The following EBF1 variants were observed in gnomAD, a reference collection of about 807,000 sequenced individuals.
EBF1 encodes EBF transcription factor 1.
EBF1 carries 10 observed loss-of-function variants against 68.4 expected under a neutral mutation model. That is an observed-to-expected ratio of 0.15 (90% CI 0.09 to 0.25). The LOEUF (loss-of-function observed/expected upper bound fraction) is 0.25, where lower values mean the gene tolerates loss of function less well. Among genes scored for constraint, EBF1 ranks in the 10% least tolerant of loss-of-function variants. EBF1 has a pLI of 1.00. For synonymous variants in EBF1, 298 were observed against 299.8 expected (o/e 0.99, Z 0.06); for missense variants, 509 against 794.4 (o/e 0.64, Z 4.32).
At chr5:158,947,050 G>A (rs2127490054) in intron 6 of EBF1, among the ~76,000 whole-genome samples, 1 of 152,266 alleles carries the variant, frequency 6.6e-6, no homozygotes, top group East Asian at 1.9e-4. Context: ...CCAACCTCAA[G>A]CATCCCAGGT....
At chr5:158,792,484 T>C (rs980212087) in intron 9 of EBF1, among the ~76,000 whole-genome samples, 2 of 151,480 alleles carry the variant, frequency 1.3e-5, no homozygotes, top group Non-Finnish European at 3.0e-5. Flanking sequence ...TGATTTTCTC[T>C]GGCTCTTTAA....
At chr5:158,835,627 G>A (rs899804057) in intron 7 of EBF1, among the ~76,000 whole-genome samples, 3 of 152,052 alleles carry the variant, frequency 2.0e-5, no homozygotes, top group Non-Finnish European at 2.9e-5. Flanking sequence ...CAGATGTTAC[G>A]AGATCTCTTT....
At chr5:158,952,004 T>C (rs1401879957) in intron 6 of EBF1, among the ~76,000 whole-genome samples, 1 of 152,154 alleles carries the variant, frequency 6.6e-6, no homozygotes, top group Non-Finnish European at 1.5e-5. Flanking sequence ...TACCGAGCAC[T>C]CAGGAGTTTT....
chr5:158,716,794 T>C (rs1306891543), intron 11 of EBF1, among the ~76,000 whole-genome samples: 4 of 152,156 alleles, frequency 2.6e-5, no homozygotes, highest in African/African-American at 7.2e-5. Flanking sequence ...ATCTAATATA[T>C]TGCCTTTCAA....
chr5:159,018,434 A>G (rs1260959658), intron 6 of EBF1, among the ~76,000 whole-genome samples: 2 of 152,256 alleles, frequency 1.3e-5, no homozygotes, highest in African/African-American at 4.8e-5. Context: ...TCTATATACA[A>G]AGGTCTGATC....
chr5:158,855,399 T>C (rs1793776334), intron 6 of EBF1, among the ~76,000 whole-genome samples: 1 of 152,184 alleles, frequency 6.6e-6, no homozygotes, highest in African/African-American at 2.4e-5. Context: ...CTCCAAGAAA[T>C]CAGGTGACAT....
chr5:158,821,940 A>T (rs1013516653), intron 8 of EBF1, among the ~76,000 whole-genome samples: 1 of 152,206 alleles, frequency 6.6e-6, no homozygotes, highest in African/African-American at 2.4e-5. Context: ...GCTAATTAAT[A>T]AAAAGTACAG....
intron 6 of EBF1, among the ~76,000 whole-genome samples, chr5:158,948,271 C>T (rs1271571853): frequency 6.6e-6 from 1 of 151,946 alleles, no homozygotes; most frequent in East Asian, 1.9e-4. Context: ...GGCCCGAGGG[C>T]AGGCCAATGG....
chr5:159,003,126 G>A (rs932803514), intron 6 of EBF1, among the ~76,000 whole-genome samples: 1 of 152,084 alleles, frequency 6.6e-6, no homozygotes. Context: ...CTCTGCACTG[G>A]CATCTTTATC....
intron 5 of EBF1, among the ~76,000 whole-genome samples, chr5:159,079,733 T>G (rs2127966831): frequency 6.7e-6 from 1 of 149,910 alleles, no homozygotes; most frequent in Non-Finnish European, 1.5e-5. Context: ...TGCCTCAGCC[T>G]CCCGAGTAGC....
At chr5:158,900,790 A>G (rs1803148736) in intron 6 of EBF1, among the ~76,000 whole-genome samples, 1 of 152,238 alleles carries the variant, frequency 6.6e-6, no homozygotes, top group South Asian at 2.1e-4. Flanking sequence ...ATTCCAAATA[A>G]GTCTACCCAT....
At chr5:158,716,205 A>G (rs1199081320) in intron 11 of EBF1, among the ~76,000 whole-genome samples, 1 of 152,204 alleles carries the variant, frequency 6.6e-6, no homozygotes, top group Non-Finnish European at 1.5e-5. Context: ...ACCATCTATC[A>G]GTATATATTA....
intron 11 of EBF1, among the ~76,000 whole-genome samples, chr5:158,724,461 AT>A (rs1244980666): frequency 6.6e-6 from 1 of 152,210 alleles, no homozygotes; most frequent in Non-Finnish European, 1.5e-5. Context: ...TTATGCAAAG[AT>A]ATCTTATTTG....
intron 6 of EBF1, among the ~76,000 whole-genome samples, chr5:158,870,259 C>T (rs1796657795): frequency 6.6e-6 from 1 of 152,074 alleles, no homozygotes; most frequent in South Asian, 2.1e-4. Context: ...TCTGGAGTTC[C>T]ACCATTACTA....
At chr5:158,984,649 T>G (rs1758633455) in intron 6 of EBF1, 1 of 151,434 alleles carries the variant, frequency 6.6e-6, no homozygotes, top group South Asian at 2.1e-4. Context: ...GGCAACAGCG[T>G]CCAGCTACAA....
intron 15 of EBF1, among the ~76,000 whole-genome samples, chr5:158,704,774 C>G (rs1336067685): frequency 6.6e-6 from 1 of 152,144 alleles, no homozygotes; most frequent in Non-Finnish European, 1.5e-5. Flanking sequence ...TCCTCTTTGC[C>G]CTGCTGGAGA....
chr5:158,923,236 T>G (rs1808831854), intron 6 of EBF1, among the ~76,000 whole-genome samples: 3 of 152,196 alleles, frequency 2.0e-5, no homozygotes. Flanking sequence ...GGGTAAAATT[T>G]TTTTAAAGAT....
rs543788698 is a variant in EBF1 at position 159,096,895 on chromosome 5, A to T, written c.291+79T>A. 103 of 1,528,054 alleles carry T rather than the reference A, an allele frequency of 6.7e-5. No homozygotes were observed. In the African/African-American group the frequency reaches 1.3e-3, roughly 19 times the overall value. 94.7% of individuals were successfully genotyped at this position (1,528,054 alleles called of 1,614,324 possible). ...GTTATGGATGCTTTGCACTCAAGGA[A>T]GGGCGCGCTGCCCAAGGCTCCCGGG... On this transcript the variant is annotated intron_variant, in intron 2 of 15. Transcript: ENST00000313708.
At chr5:158,794,929 A>C (rs989194794) in intron 9 of EBF1, among the ~76,000 whole-genome samples, 1 of 152,194 alleles carries the variant, frequency 6.6e-6, no homozygotes. Context: ...ATCTTGCCTA[A>C]AAATTAGTTG....
Sources: gnomAD v4.1 joint callset for allele counts (sites outside exome capture counted in the v4.1 genomes callset) on GRCh38, gnomAD v4.1.1 for gene constraint, MANE v1.5 for transcripts, NCBI Gene and HGNC (gene_info 2026-07-23, HGNC 2026-07-21) for gene names.